ALOX12: variants seen among roughly 807,000 people sequenced by gnomAD.
ALOX12 encodes arachidonate 12-lipoxygenase, 12S type, also known as polyunsaturated fatty acid lipoxygenase ALOX12.
Under a neutral mutation model 85.5 loss-of-function variants are expected in ALOX12, and 62 were observed. The ratio of observed to expected loss-of-function variants is 0.73; its 90% CI spans 0.59 to 0.90. The LOEUF (loss-of-function observed/expected upper bound fraction) is 0.90. ALOX12 is among the 40% of genes least tolerant of loss of function. The probability of loss-of-function intolerance (pLI) is 0.00; values close to 1 mark genes in which losing one functional copy is unlikely to be tolerated. For synonymous variants in ALOX12, 299 were observed against 332.7 expected (o/e 0.90, Z 1.10); for missense variants, 751 against 856.5 (o/e 0.88, Z 1.54).
chr17:7,009,847 G>A lies in ALOX12; in HGVS notation c.1641G>A (p.Gln547=), dbSNP rs1390966363. Reference sequence around the variant, plus strand: ...AGCATGCCGCCATCAACCAGGGCCAGGTATGGACAGCTGAAAGCCCAGGTC... The same window carrying A: ...AGCATGCCGCCATCAACCAGGGCCAAGTATGGACAGCTGAAAGCCCAGGTC... The part of the protein sequence containing the change: ...TAQHAAINQG[Q]LDWYAWVPNA... The change falls in exon 12 of 14, where the codon CAG becomes CAA. Residue 547 remains glutamine, a splice_region_variant and synonymous_variant. Coordinates refer to ENST00000251535, the MANE Select transcript of ALOX12 (RefSeq NM_000697.3). The A allele has an allele frequency of 1.2e-6, 2 of 1,614,178 alleles. No homozygotes were observed.
rs753500579 is a variant in ALOX12 at position 7,005,209 on chromosome 17, C to A, written c.1162-48C>A. ...GGTGCCAGGCCCTACCAGGAAGGAC[C>A]CAAGCATGGCCTCCACCAGTCACGC... On this transcript the variant is annotated intron_variant, in intron 8 of 13. Coordinates refer to ENST00000251535, the MANE Select transcript of ALOX12 (RefSeq NM_000697.3). The A allele has an allele frequency of 7.7e-6, 12 of 1,551,472 alleles. No homozygotes were observed. In the East Asian group the frequency reaches 1.3e-4, roughly 17 times the overall value.
rs11571346 is a variant in ALOX12 at position 7,006,892 on chromosome 17, T to G, written c.1540+285T>G. On this transcript the variant is annotated intron_variant, in intron 11 of 13. Coordinates refer to ENST00000251535, the MANE Select transcript of ALOX12 (RefSeq NM_000697.3). ...ATATCCTGGGGCCCCCCAGGCCATATCCACAGCTGGGAGGGGTCTGCACAG... is the reference window on the plus strand; with the variant it reads ...ATATCCTGGGGCCCCCCAGGCCATAGCCACAGCTGGGAGGGGTCTGCACAG... Among the ~76,000 whole-genome samples, 17,087 of 152,062 alleles carry G rather than the reference T, an allele frequency of 0.11. 1,264 individuals carry two copies. Among genetic ancestry groups the G allele is most frequent in the Admixed American group, 0.26 (3,975 of 15,282 alleles).
At chr17:7,005,119 A>T in intron 8 of ALOX12, 138 bp from the exon 9 acceptor site, 1 of 790,766 alleles carries the variant, frequency 1.3e-6, no homozygotes, top group Non-Finnish European at 2.2e-6. Context: ...CACAAGAGTG[A>T]GTGATCAGAA....
intron 8 of ALOX12, among the ~76,000 whole-genome samples, chr17:7,004,079 A>AATATTAATAATATAAT (rs1908861844): frequency 6.8e-6 from 1 of 146,072 alleles, no homozygotes; most frequent in Non-Finnish European, 1.5e-5. Flanking sequence ...TTAATTTATT[A>AATATTAATAATATAAT]AAATTAAAAT....
In ALOX12 at chr17:7,006,621, T is replaced by C. The variant is rs181881596; in HGVS notation, c.1540+14T>C. The C allele has an allele frequency of 5.7e-6, 9 of 1,567,192 alleles. No individual in the cohort carries two copies. The highest frequency in any genetic ancestry group is 4.1e-5 in the African/African-American group (3 of 73,540). On this transcript the variant is annotated intron_variant, in intron 11 of 13. Coordinates refer to ENST00000251535, the MANE Select transcript of ALOX12 (RefSeq NM_000697.3). ...CCCAGGACCGAGGTAAGATCCATTC[T>C]AGAGACAGAAGAAGCTCCTGGGAGA... is the stretch of plus-strand genomic sequence containing the variant.
At position 6,999,047 on chromosome 17, in the gene ALOX12, G is replaced by C. The variant is rs1356265478; in HGVS notation, c.637G>C (p.Ala213Pro). The change falls in exon 5 of 14, where the codon GCC becomes CCC. Residue 213 changes from alanine (A) to proline (P), a missense_variant. By Grantham distance (27) the Ala-to-Pro change is conservative. Transcript: ENST00000251535. ...TCAGATCTTCTGGGGCCAGAAGAGT[G>C]CCCTGGCTGGTCAGTGGTTCCCCGA... ...FDQIFWGQKS[A>P]LAEKVRQCWQ... The C allele has an allele frequency of 6.2e-7, 1 of 1,613,534 alleles. No individual in the cohort carries two copies. The highest frequency in any genetic ancestry group is 1.3e-5 in the African/African-American group (1 of 74,908).
intron 8 of ALOX12, 54 bp downstream of exon 8, chr17:7,001,865 G>A (rs902686258): frequency 6.7e-7 from 1 of 1,495,506 alleles, no homozygotes; most frequent in Non-Finnish European, 9.2e-7. Context: ...GAGAGGAACA[G>A]CCCCATATCA....
chr17:7,008,838 T>C (rs1036567896), intron 11 of ALOX12, among the ~76,000 whole-genome samples: 7 of 152,190 alleles, frequency 4.6e-5, no homozygotes, highest in Non-Finnish European at 5.9e-5. Flanking sequence ...CCCTCTCAGC[T>C]GTGACACTGG....
rs144712274 is a variant in ALOX12, at chr17:7,003,762, T to A, written c.1162-1495T>A. 2.0e-5 allele frequency among the ~76,000 whole-genome samples: 3 copies of A among 152,316 alleles called. No homozygotes were observed. In the East Asian group the frequency reaches 5.8e-4, roughly 29 times the overall value. On this transcript the variant is annotated intron_variant, in intron 8 of 13. Coordinates refer to ENST00000251535, the MANE Select transcript of ALOX12 (RefSeq NM_000697.3). ...AATTATTATTATTAAGGACTGTTTA[T>A]CCTTAGGCATCCTTTCTCCTCATGT...
chr17:7,006,046 A>C lies in ALOX12; in HGVS notation c.1418+19A>C, dbSNP rs2151644930. 2 of 429,990 alleles carry C rather than the reference A, an allele frequency of 4.7e-6. No individual in the cohort carries two copies. The highest frequency in any genetic ancestry group is 3.0e-6 in the Non-Finnish European group (1 of 338,792). The allele number at this position is 429,990 out of a possible 1,614,324, so 26.6% of individuals were successfully genotyped here. A position where few individuals can be genotyped will look rare whatever the true frequency, so the allele number is the denominator to read the frequency against. ...TTGCCAGGTGAGTAAGGAGGAGCTGAGAAATGGTGGGGCCGGGGGGGGGGG... is the reference window on the plus strand; with the variant it reads ...TTGCCAGGTGAGTAAGGAGGAGCTGCGAAATGGTGGGGCCGGGGGGGGGGG... On this transcript the variant is annotated intron_variant, in intron 10 of 13. Coordinates refer to ENST00000251535, the MANE Select transcript of ALOX12 (RefSeq NM_000697.3).
At position 7,006,059 on chromosome 17, in the gene ALOX12, C is replaced by CGGG. The variant is rs1491546294; in HGVS notation, c.1418+32_1418+33insGGG. On this transcript the variant is annotated intron_variant, in intron 10 of 13. Coordinates refer to ENST00000251535, the MANE Select transcript of ALOX12 (RefSeq NM_000697.3). ...AAGGAGGAGCTGAGAAATGGTGGGG[C>CGGG]CGGGGGGGGGGGGGGCTCTGGCCTG... is the stretch of plus-strand genomic sequence containing the variant. 5.2e-5 allele frequency: 7 copies of CGGG among 135,680 alleles called. 2 individuals are homozygous for CGGG. Among genetic ancestry groups the CGGG allele is most frequent in the African/African-American group, 4.1e-4 (3 of 7,400 alleles). The allele number at this position is 135,680 out of a possible 1,614,324, so 8.4% of individuals were successfully genotyped here.
rs79489840 is a variant in ALOX12 at position 7,008,770 on chromosome 17, T to A, written c.1541-977T>A. On this transcript the variant is annotated intron_variant, in intron 11 of 13. Coordinates refer to ENST00000251535, the MANE Select transcript of ALOX12 (RefSeq NM_000697.3). ...CAAAAAAAAAAAAAAGATTATCGGGTCTCTGAGCCCCCATATCCACTGCAA... is the reference window on the plus strand; with the variant it reads ...CAAAAAAAAAAAAAAGATTATCGGGACTCTGAGCCCCCATATCCACTGCAA... 7.1e-3 allele frequency among the ~76,000 whole-genome samples: 1,059 copies of A among 149,678 alleles called. 10 individuals carry two copies. The highest frequency in any genetic ancestry group is 0.024 in the African/African-American group (996 of 40,690).
intron 7 of ALOX12, chr17:7,001,008 G>A (rs1908681507): frequency 6.5e-6 from 1 of 153,696 alleles, no homozygotes. Context: ...ATACAGTTGT[G>A]TGATCTTGGC....
chr17:7,006,663 T>C, intron 11 of ALOX12, 56 bp downstream of exon 11: 1 of 1,517,306 alleles, frequency 6.6e-7, no homozygotes, highest in Middle Eastern at 1.8e-4. Flanking sequence ...CAGGGCGCCT[T>C]CCCAGCCCTG....
intron 8 of ALOX12, among the ~76,000 whole-genome samples, chr17:7,002,864 G>A (rs1335710922): frequency 2.6e-5 from 4 of 152,174 alleles, no homozygotes; most frequent in African/African-American, 7.2e-5. Flanking sequence ...AAAATGAGGT[G>A]TTTGGTTTTA....
intron 1 of ALOX12, 125 bp from the exon 2 acceptor site, chr17:6,996,701 G>C: frequency 8.2e-7 from 1 of 1,222,700 alleles, no homozygotes; most frequent in Admixed American, 2.7e-5. Context: ...GCGGGGGCGG[G>C]AACGAGGCGA....
At chr17:7,001,848 C>G in intron 8 of ALOX12, 37 bp downstream of exon 8, 1 of 1,571,000 alleles carries the variant, frequency 6.4e-7, no homozygotes, top group South Asian at 1.1e-5. Flanking sequence ...ATCCCTCAGA[C>G]CCCAGAGAGA....
chr17:7,001,849 C>T, intron 8 of ALOX12, 38 bp downstream of exon 8: 1 of 1,569,172 alleles, frequency 6.4e-7, no homozygotes, highest in Non-Finnish European at 8.8e-7. Context: ...TCCCTCAGAC[C>T]CCAGAGAGAG....
At chr17:7,007,376 G>T (rs1270675724) in intron 11 of ALOX12, among the ~76,000 whole-genome samples, 1 of 152,166 alleles carries the variant, frequency 6.6e-6, no homozygotes, top group Admixed American at 6.5e-5. Flanking sequence ...TCACACTTCA[G>T]ATCTAGGCTG....
Sources: allele counts gnomAD v4.1 joint callset (sites outside exome capture counted in the v4.1 genomes callset), GRCh38; gene constraint gnomAD v4.1.1; transcripts MANE v1.5; gene names NCBI Gene and HGNC (gene_info 2026-07-23, HGNC 2026-07-21).